LMX1B: variants seen among roughly 807,000 people sequenced by gnomAD.
LMX1B encodes the protein LIM homeobox transcription factor 1 beta, also known as LIM homeobox transcription factor 1-beta.
LMX1B carries 12 observed loss-of-function variants against 51.4 expected under a neutral mutation model. The observed-to-expected ratio is 0.23, with a 90% CI of 0.15 to 0.38. The LOEUF is 0.38. Among genes scored for constraint, LMX1B ranks in the 10% least tolerant of loss-of-function variants. The probability of loss-of-function intolerance (pLI) is 1.00; values close to 1 mark genes in which losing one functional copy is unlikely to be tolerated. For synonymous variants in LMX1B, 237 were observed against 235.4 expected (o/e 1.01, Z -0.06); for missense variants, 445 against 571.1 (o/e 0.78, Z 2.25).
At chr9:126,624,815 G>A (rs1209073711) in intron 2 of LMX1B, among the ~76,000 whole-genome samples, 1 of 152,010 alleles carries the variant, frequency 6.6e-6, no homozygotes, top group South Asian at 2.1e-4. Flanking sequence ...TTTTTCTCCC[G>A]GACTTGGTGC....
rs1835531086 is a variant in LMX1B at position 126,626,316 on chromosome 9, G to T, written c.326+10747G>T. Among the ~76,000 whole-genome samples, 1 of 152,210 alleles carries T rather than the reference G, an allele frequency of 6.6e-6. No individual in the cohort carries two copies. Among genetic ancestry groups the T allele is most frequent in the Non-Finnish European group, 1.5e-5 (1 of 68,036 alleles). On this transcript the variant is annotated intron_variant, in intron 2 of 7. Transcript: ENST00000373474. This position sits in a 1 kb window ranked among gnomAD's most constrained non-coding sequence, Gnocchi z 4.3. ...TCACCTCGTAAAAGCGACAGGCAAGGACTGTTTTATGGGGAGGGAGAAGGA... is the reference window on the plus strand; with the variant it reads ...TCACCTCGTAAAAGCGACAGGCAAGTACTGTTTTATGGGGAGGGAGAAGGA...
intron 2 of LMX1B, among the ~76,000 whole-genome samples, chr9:126,632,555 G>A (rs1037134762): frequency 1.3e-5 from 2 of 152,254 alleles, no homozygotes; most frequent in African/African-American, 4.8e-5. Flanking sequence ...GACAGGAACT[G>A]GAGAGGCACT....
In LMX1B at chr9:126,677,776, A is replaced by G. The variant is rs1836593091; in HGVS notation, c.327-13060A>G. On this transcript the variant is annotated intron_variant, in intron 2 of 7. Coordinates refer to ENST00000373474, the MANE Select transcript of LMX1B (RefSeq NM_001174147.2). This position sits in a 1 kb window ranked among gnomAD's most constrained non-coding sequence, Gnocchi z 5.0. ...CGTTCAAACATTCGAGCAGGAGCAC[A>G]GGGCATGTACTCAGGGCATTGCGGG... Among the ~76,000 whole-genome samples the G allele has an allele frequency of 6.6e-6, 1 of 152,200 alleles. No individual in the cohort carries two copies. The highest frequency in any genetic ancestry group is 1.5e-5 in the Non-Finnish European group (1 of 68,034).
chr9:126,639,914 C>A (rs1023930990), intron 2 of LMX1B, among the ~76,000 whole-genome samples: 1 of 152,050 alleles, frequency 6.6e-6, no homozygotes, highest in African/African-American at 2.4e-5. Context: ...GGATTTTATA[C>A]CTCAATGTGT....
chr9:126,694,619 C>T (rs921058408), intron 6 of LMX1B, among the ~76,000 whole-genome samples: 4 of 152,200 alleles, frequency 2.6e-5, no homozygotes, highest in Admixed American at 1.3e-4. Context: ...GAGCTGCCTG[C>T]GCCCTGGTGA....
At chr9:126,693,677 A>AG in intron 5 of LMX1B, 69 bp from the exon 6 acceptor site, 1 of 1,595,176 alleles carries the variant, frequency 6.3e-7, no homozygotes, top group South Asian at 1.1e-5. Context: ...ACTACGGTCC[A>AG]GGGGGCGTGG....
rs761152971 is a variant in LMX1B, at chr9:126,695,369, G to A, written c.887-470G>A. ...CCACGTGCTGCACCCTCACTTACCCGGCGGTCTGTCTCCTCCATGCCTTTG... is the reference window on the plus strand; with the variant it reads ...CCACGTGCTGCACCCTCACTTACCCAGCGGTCTGTCTCCTCCATGCCTTTG... On this transcript the variant is annotated intron_variant, in intron 6 of 7. Coordinates refer to ENST00000373474, the MANE Select transcript of LMX1B (RefSeq NM_001174147.2). The surrounding 1 kb of genome is among the most constrained non-coding windows in gnomAD (Gnocchi z 5.2). 5.3e-5 allele frequency among the ~76,000 whole-genome samples: 8 copies of A among 152,212 alleles called. No homozygotes were observed. Among genetic ancestry groups the A allele is most frequent in the Middle Eastern group, 3.4e-3 (1 of 294 alleles).
intron 2 of LMX1B, among the ~76,000 whole-genome samples, chr9:126,623,730 G>A (rs1466522830): frequency 1.3e-5 from 2 of 148,982 alleles, no homozygotes; most frequent in African/African-American, 5.0e-5. Flanking sequence ...GCTACCCGAG[G>A]GCTGGGAGCA....
intron 2 of LMX1B, among the ~76,000 whole-genome samples, chr9:126,653,496 A>G (rs7030609): frequency 0.088 from 13,331 of 152,136 alleles, 999 homozygotes; most frequent in East Asian, 0.37. Context: ...ATTTTGAGAT[A>G]ATTGTAGATT....
At chr9:126,670,343 T>C (rs1836426040) in intron 2 of LMX1B, among the ~76,000 whole-genome samples, 1 of 152,236 alleles carries the variant, frequency 6.6e-6, no homozygotes, top group Admixed American at 6.5e-5. Context: ...CATGTAAATG[T>C]GTGAGCACAC....
At chr9:126,685,704 G>A (rs986536763) in intron 2 of LMX1B, among the ~76,000 whole-genome samples, 1 of 152,192 alleles carries the variant, frequency 6.6e-6, no homozygotes, top group Non-Finnish European at 1.5e-5. Context: ...CACCCTCAGA[G>A]GAGGGTAGGA....
At position 126,696,473 on chromosome 9, in the gene LMX1B, G is replaced by A. The variant is rs758878600; in HGVS notation, c.*22G>A. 3.0e-5 allele frequency: 49 copies of A among 1,613,384 alleles called. No individual in the cohort carries two copies. Among genetic ancestry groups the A allele is most frequent in the East Asian group, 8.9e-5 (4 of 44,844 alleles). On this transcript the variant is annotated 3_prime_UTR_variant, in exon 8 of 8. Coordinates refer to ENST00000373474, the MANE Select transcript of LMX1B (RefSeq NM_001174147.2). ...CTGAGAGCCAGCCAGGCGCACGGAC[G>A]CTTGGGCAGGGGCCTGGGGGGGACT...
At chr9:126,653,519 C>CA (rs1337693466) in intron 2 of LMX1B, among the ~76,000 whole-genome samples, 2 of 152,030 alleles carry the variant, frequency 1.3e-5, no homozygotes, top group East Asian at 3.9e-4. Flanking sequence ...TAGGCAATTG[C>CA]AAAAAATAGA....
intron 2 of LMX1B, among the ~76,000 whole-genome samples, chr9:126,648,878 G>T (rs1196952654): frequency 6.6e-6 from 1 of 152,164 alleles, no homozygotes; most frequent in Non-Finnish European, 1.5e-5. Flanking sequence ...TCCTCTGCAC[G>T]TGGTCAACTC....
At chr9:126,631,453 A>AT (rs1835635885) in intron 2 of LMX1B, among the ~76,000 whole-genome samples, 1 of 151,886 alleles carries the variant, frequency 6.6e-6, no homozygotes, top group Non-Finnish European at 1.5e-5. Flanking sequence ...TGGGCTGCTG[A>AT]TTCCCAGGAG....
intron 6 of LMX1B, 124 bp downstream of exon 6, chr9:126,693,936 C>T (rs1052284516): frequency 3.2e-5 from 20 of 615,428 alleles, no homozygotes; most frequent in South Asian, 2.1e-4. Context: ...GGGCTGGGAC[C>T]GGGGCTGCAC....
At chr9:126,683,173 AGGAGGCCGGG>A (rs1836708222) in intron 2 of LMX1B, among the ~76,000 whole-genome samples, 2 of 151,032 alleles carry the variant, frequency 1.3e-5, no homozygotes, top group East Asian at 1.9e-4. Flanking sequence ...CGACGCGGCG[AGGAGGCCGGG>A]GGAGGCCGGG....
At chr9:126,639,147 A>G (rs996255337) in intron 2 of LMX1B, among the ~76,000 whole-genome samples, 1 of 151,718 alleles carries the variant, frequency 6.6e-6, no homozygotes, top group Admixed American at 6.6e-5. Context: ...TGGACAAGAG[A>G]AAAGGAGAGG....
intron 1 of LMX1B, 112 bp downstream of exon 1, chr9:126,614,700 TGG>T (rs1373411287): frequency 4.2e-6 from 5 of 1,200,068 alleles, no homozygotes; most frequent in Non-Finnish European, 5.5e-6. Flanking sequence ...TTGCAGGACA[TGG>T]GGAGGAGGCA....
Sources: allele counts gnomAD v4.1 joint callset (sites outside exome capture counted in the v4.1 genomes callset), GRCh38; gene constraint gnomAD v4.1.1; non-coding constraint Gnocchi (gnomAD v3.1); transcripts MANE v1.5; gene names NCBI Gene and HGNC (gene_info 2026-07-23, HGNC 2026-07-21).